Variants in HTT observed in about 807,000 individuals in gnomAD.
HTT encodes huntingtin, also known as huntington disease protein.
Under a neutral mutation model 362.3 loss-of-function variants are expected in HTT, and 104 were observed. The ratio of observed to expected loss-of-function variants is 0.29; its 90% CI spans 0.24 to 0.34. The LOEUF is 0.34. Ranked by LOEUF, HTT falls within the 10% of genes least tolerant of loss-of-function variation. HTT has a pLI of 1.00. For missense variants in HTT, 3,301 were observed against 3,928.6 expected (o/e 0.84, Z 4.27); for synonymous variants, 1,577 against 1,548.7 (o/e 1.02, Z -0.43).
chr4:3,172,795 T>C (rs1718054979), intron 30 of HTT, 113 bp from the exon 31 acceptor site: 5 of 773,058 alleles, frequency 6.5e-6, no homozygotes, highest in Non-Finnish European at 1.1e-5. Flanking sequence ...TTTCACGCTG[T>C]GAGTCTTTGC....
intron 1 of HTT, among the ~76,000 whole-genome samples, chr4:3,086,545 C>A (rs972969862): frequency 6.6e-6 from 1 of 152,176 alleles, no homozygotes; most frequent in African/African-American, 2.4e-5. Context: ...GTGGTGCGTG[C>A]CTGTGGTCCG....
In HTT at chr4:3,240,025, G is replaced by C; in HGVS notation, c.9395G>C (p.Cys3132Ser). 1 of 1,599,092 alleles carries C rather than the reference G, an allele frequency of 6.3e-7. No homozygotes were observed. Among genetic ancestry groups the C allele is most frequent in the Non-Finnish European group, 8.5e-7 (1 of 1,172,400 alleles). The change falls in exon 67 of 67, where the codon TGT (cysteine) becomes TCT (serine). Residue 3132 changes from cysteine to serine, a missense_variant. Transcript: ENST00000355072. Reference sequence around the variant, plus strand: ...AGCCCATATCACCGGCTGCTGACTTGTTTACGAAATGTCCACAAGGTCACC... The same window carrying C: ...AGCCCATATCACCGGCTGCTGACTTCTTTACGAAATGTCCACAAGGTCACC... ...PGSPYHRLLTCLRNVHKVTTC is the reference protein window; with the variant it reads ...PGSPYHRLLTSLRNVHKVTTC
Position 3,160,299 on chromosome 4 carries a change from G to T in HTT, c.3771G>T (p.Gln1257His). 6.4e-7 allele frequency: 1 copy of T among 1,551,834 alleles called. No individual in the cohort carries two copies. The highest frequency in any genetic ancestry group is 8.7e-7 in the Non-Finnish European group (1 of 1,146,716). The change falls in exon 29 of 67, where the codon CAG becomes CAT. Residue 1257 changes from glutamine to histidine, a missense_variant. Transcript: ENST00000355072. ...TTCCCAAGGTCACGCTGGATCTTCA[G>T]AACAGCACGGAAAAGTTTGGAGGGT... The part of the protein sequence containing the change: ...HANYKVTLDL[Q>H]NSTEKFGGFL...
rs752309270 is a variant in HTT, at chr4:3,233,145, T to C, written c.8266-18T>C. On this transcript the variant is annotated intron_variant, in intron 60 of 66. Coordinates refer to ENST00000355072, the MANE Select transcript of HTT (RefSeq NM_001388492.1). ...GAGCTCTGGTGGCATGCAGCAGCTT[T>C]TGTCTGTGTGTGCCTAGGACAAGGC... 2 of 1,566,404 alleles carry C rather than the reference T, an allele frequency of 1.3e-6. No homozygotes were observed. The highest frequency in any genetic ancestry group is 2.3e-5 in the South Asian group (2 of 87,518).
chr4:3,094,171 C>T (rs1456540640), intron 2 of HTT, among the ~76,000 whole-genome samples: 12 of 150,732 alleles, frequency 8.0e-5, no homozygotes, highest in African/African-American at 2.0e-4. Flanking sequence ...CATCTTGCAC[C>T]GCCCTTAATC....
intron 41 of HTT, among the ~76,000 whole-genome samples, chr4:3,202,528 T>A (rs1719630851): frequency 6.6e-6 from 1 of 152,138 alleles, no homozygotes; most frequent in African/African-American, 2.4e-5. Flanking sequence ...TAATTTACAA[T>A]ACAGTAAAAT....
At chr4:3,121,962 G>A (rs1050386923) in intron 9 of HTT, among the ~76,000 whole-genome samples, 3 of 152,240 alleles carry the variant, frequency 2.0e-5, no homozygotes, top group African/African-American at 7.2e-5. Flanking sequence ...TCTTTTCTCT[G>A]CCTTGGCTGC....
chr4:3,094,277 C>G (rs1285486510), intron 2 of HTT, among the ~76,000 whole-genome samples: 1 of 152,176 alleles, frequency 6.6e-6, no homozygotes, highest in East Asian at 1.9e-4. Context: ...AAGAATTTTT[C>G]TTAGTACAGA....
At chr4:3,110,677 C>T (rs1258173807) in intron 6 of HTT, among the ~76,000 whole-genome samples, 5 of 152,160 alleles carry the variant, frequency 3.3e-5, no homozygotes. Flanking sequence ...CTCAGAAATG[C>T]AAAGTCTTTG....
In HTT at chr4:3,100,052, C is replaced by T. The variant is rs370276654; in HGVS notation, c.468+658C>T. 3.9e-4 allele frequency among the ~76,000 whole-genome samples: 60 copies of T among 152,338 alleles called. No homozygotes were observed. The East Asian group carries it at 5.6e-3, about 14-fold the overall frequency. On this transcript the variant is annotated intron_variant, in intron 3 of 66. Coordinates refer to ENST00000355072, the MANE Select transcript of HTT (RefSeq NM_001388492.1). ...CGCTATGTTGACAATTGTGCCTGCA[C>T]GGTGCCTAGGTCAATGAAGGGAACC...
chr4:3,235,687 G>A lies in HTT; in HGVS notation c.8694G>A (p.Ser2898=), dbSNP rs372861328. 8.7e-6 allele frequency: 14 copies of A among 1,613,304 alleles called. No individual in the cohort carries two copies. Among genetic ancestry groups the A allele is most frequent in the Middle Eastern group, 1.6e-4 (1 of 6,084 alleles). ...SEQLSRLDAE[S]LVKLSVDRVN... ...AGCTCTCCCGCCTGGATGCAGAATC[G>A]CTGGTCAAGCTGAGTGTGGACAGAG... Residue 2898 remains serine (S), a synonymous_variant, in exon 63 of 67, where the codon TCG becomes TCA. Transcript: ENST00000355072.
intron 40 of HTT, among the ~76,000 whole-genome samples, chr4:3,193,599 G>T (rs1186774474): frequency 6.6e-6 from 1 of 152,184 alleles, no homozygotes; most frequent in Non-Finnish European, 1.5e-5. Context: ...CACAATTGAG[G>T]CAAAATATTG....
In HTT at chr4:3,178,150, C is replaced by T. The variant is rs1289890493; in HGVS notation, c.4464-148C>T. ...AGGGCACAGATGGGATGCACTGTGG[C>T]AGGGGTGGGGTTAGAGTAGATCACG... On this transcript the variant is annotated intron_variant, in intron 34 of 66. Coordinates refer to ENST00000355072, the MANE Select transcript of HTT (RefSeq NM_001388492.1). The T allele has an allele frequency of 4.7e-6, 3 of 637,756 alleles. No homozygotes were observed. The Admixed American group carries it at 8.6e-5, about 18-fold the overall frequency. The allele number at this position is 637,756 out of a possible 1,614,324, so 39.5% of individuals were successfully genotyped here.
chr4:3,180,804 G>C (rs538137462), intron 36 of HTT, 153 bp downstream of exon 36: 1 of 330,346 alleles, frequency 3.0e-6, no homozygotes, highest in Non-Finnish European at 5.3e-6. Flanking sequence ...GCAGGGGGAT[G>C]GGGAGGGAGG....
Position 3,228,687 on chromosome 4 carries a change from GA to G in HTT, c.7922del (p.Glu2641GlyfsTer56). On this transcript the variant is annotated frameshift_variant, in exon 58 of 67. Coordinates refer to ENST00000355072, the MANE Select transcript of HTT (RefSeq NM_001388492.1). LOFTEE classifies it high-confidence loss of function. This position sits in a 1 kb window ranked among gnomAD's most constrained non-coding sequence, Gnocchi z 4.3. ...GGAGGAGGAATGGGACGAGGAAGAG[GA>G]GGAGGAGGCCGACGCCCCTGCACCT... is the stretch of plus-strand genomic sequence containing the variant. ...LREEEWDEEE[E>X]EEADAPAPSS... 1 of 1,595,086 alleles carries G rather than the reference GA, an allele frequency of 6.3e-7. No homozygotes were observed. Among genetic ancestry groups the G allele is most frequent in the Non-Finnish European group, 8.6e-7 (1 of 1,168,248 alleles).
At chr4:3,082,445 A>G (rs556866728) in intron 1 of HTT, among the ~76,000 whole-genome samples, 50 of 152,352 alleles carry the variant, frequency 3.3e-4, no homozygotes, top group East Asian at 2.5e-3. Context: ...ACTGTTTAAT[A>G]TTGTATTAAA....
intron 2 of HTT, among the ~76,000 whole-genome samples, chr4:3,093,145 G>T (rs1248115071): frequency 6.6e-6 from 1 of 152,180 alleles, no homozygotes; most frequent in South Asian, 2.1e-4. Flanking sequence ...GTACTGACGA[G>T]CACTTGCTTG....
At chr4:3,212,788 A>G in intron 49 of HTT, 79 bp downstream of exon 49, 1 of 1,478,210 alleles carries the variant, frequency 6.8e-7, no homozygotes. Flanking sequence ...AAGCAGTTTT[A>G]TTTGAAAAGC....
At chr4:3,181,662 C>T (rs146202436) in intron 36 of HTT, among the ~76,000 whole-genome samples, 1 of 152,066 alleles carries the variant, frequency 6.6e-6, no homozygotes, top group Non-Finnish European at 1.5e-5. Flanking sequence ...TTAATGAACC[C>T]CTGTAGTATT....
Sources: gnomAD v4.1 joint callset for allele counts (sites outside exome capture counted in the v4.1 genomes callset) on GRCh38, gnomAD v4.1.1 for gene constraint, Gnocchi (gnomAD v3.1) non-coding constraint, MANE v1.5 for transcripts, NCBI Gene and HGNC (gene_info 2026-07-23, HGNC 2026-07-21) for gene names.